FANCC: variants seen among roughly 807,000 people sequenced by gnomAD.
The protein encoded by FANCC is FA complementation group C.
Under a neutral mutation model 71.3 loss-of-function variants are expected in FANCC, and 55 were observed. The observed-to-expected ratio is 0.77, with a 90% CI of 0.62 to 0.97. The LOEUF (loss-of-function observed/expected upper bound fraction) is 0.97. Ranked by LOEUF, FANCC falls within the 50% of genes least tolerant of loss-of-function variation. The pLI is 0.00. For synonymous variants in FANCC, 275 were observed against 244.9 expected (o/e 1.12, Z -1.15); for missense variants, 678 against 670.9 (o/e 1.01, Z -0.12).
At chr9:95,259,180 G>T (rs1377842548) in intron 1 of FANCC, among the ~76,000 whole-genome samples, 1 of 152,054 alleles carries the variant, frequency 6.6e-6, no homozygotes, top group African/African-American at 2.4e-5. Context: ...CACAGAATTA[G>T]AAAAAACTAC....
intron 7 of FANCC, among the ~76,000 whole-genome samples, chr9:95,148,325 G>C (rs887680998): frequency 2.6e-5 from 4 of 152,352 alleles, no homozygotes; most frequent in African/African-American, 9.6e-5. Context: ...AACTCTTTCA[G>C]CAGTGGGCTC....
At chr9:95,264,893 T>C (rs1832295171) in intron 1 of FANCC, among the ~76,000 whole-genome samples, 2 of 152,128 alleles carry the variant, frequency 1.3e-5, no homozygotes, top group South Asian at 4.1e-4. Flanking sequence ...GATGAAAGCC[T>C]GATAACTATT....
Position 95,210,118 on chromosome 9 carries a change from T to C in FANCC, c.345+30531A>G, listed in dbSNP as rs4647458. Among the ~76,000 whole-genome samples, 850 of 152,276 alleles carry C rather than the reference T, an allele frequency of 5.6e-3. 9 individuals carry two copies. Among genetic ancestry groups the C allele is most frequent in the African/African-American group, 0.019 (809 of 41,552 alleles). ...AAGAATACATGTCATTATATCTATA[T>C]AAAATTTTAGAAACAGGAAAAATTA... On this transcript the variant is annotated intron_variant, in intron 4 of 14. Transcript: ENST00000289081.
At chr9:95,310,076 T>C (rs1030089319) in intron 1 of FANCC, among the ~76,000 whole-genome samples, 1 of 151,892 alleles carries the variant, frequency 6.6e-6, no homozygotes, top group African/African-American at 2.4e-5. Context: ...AAAACAATAA[T>C]GGGAGGCCAG....
Position 95,265,326 on chromosome 9 carries a change from ACT to A in FANCC, c.-78-15959_-78-15958del, listed in dbSNP as rs1469258006. On this transcript the variant is annotated intron_variant, in intron 1 of 14. Coordinates refer to ENST00000289081, the MANE Select transcript of FANCC (RefSeq NM_000136.3). ...TTAAGGAAACTGAATCTAGCAGATA[ACT>A]CTGGGGATTTACTAGGCTCAATTCT... Among the ~76,000 whole-genome samples the A allele has an allele frequency of 4.6e-5, 7 of 152,144 alleles. No homozygotes were observed. The South Asian group carries it at 6.2e-4, about 14-fold the overall frequency.
chr9:95,224,110 A>G (rs1460795173), intron 4 of FANCC, among the ~76,000 whole-genome samples: 4 of 152,224 alleles, frequency 2.6e-5, no homozygotes, highest in African/African-American at 9.6e-5. Context: ...CACAGATTAC[A>G]TATAATATGG....
intron 4 of FANCC, among the ~76,000 whole-genome samples, chr9:95,232,025 G>C (rs562769367): frequency 6.6e-6 from 1 of 152,336 alleles, no homozygotes; most frequent in Non-Finnish European, 1.5e-5. Context: ...ACTGGCTTGT[G>C]GTTCTGCAAG....
intron 10 of FANCC, among the ~76,000 whole-genome samples, chr9:95,122,951 G>A (rs1825299256): frequency 6.6e-6 from 1 of 152,196 alleles, no homozygotes; most frequent in South Asian, 2.1e-4. Context: ...AGCGCAGCTT[G>A]CTACAGCCCA....
Position 95,126,563 on chromosome 9 carries a change from G to C in FANCC, c.862C>G (p.Pro288Ala). 6.2e-7 allele frequency: 1 copy of C among 1,614,002 alleles called. No individual in the cohort carries two copies. The highest frequency in any genetic ancestry group is 8.5e-7 in the Non-Finnish European group (1 of 1,179,944). Residue 288 changes from proline to alanine, a missense_variant, in exon 9 of 15, where the codon CCT (proline) becomes GCT (alanine). Pro to Ala is a conservative substitution (Grantham distance 27, BLOSUM62 -1). Transcript: ENST00000289081. Reference protein sequence around the residue: ...DSSLPQAACHPAIFRVVDEMF... With the variant: ...DSSLPQAACHAAIFRVVDEMF... ...TCATCAACAACCCGGAATATGGCAG[G>C]GTGGCAGGCTGCTTGAGGCTGTAAA...
chr9:95,297,168 A>G (rs1226863443), intron 1 of FANCC, among the ~76,000 whole-genome samples: 1 of 152,166 alleles, frequency 6.6e-6, no homozygotes, highest in Non-Finnish European at 1.5e-5. Flanking sequence ...GGCAAGAGGG[A>G]CTTTCAGCAA....
At chr9:95,250,213 G>A (rs909846806) in intron 1 of FANCC, among the ~76,000 whole-genome samples, 1 of 152,184 alleles carries the variant, frequency 6.6e-6, no homozygotes, top group African/African-American at 2.4e-5. Flanking sequence ...GAATCGCAGA[G>A]GAGGGAAGGC....
intron 1 of FANCC, chr9:95,293,091 T>G (rs1237156090): frequency 6.2e-7 from 1 of 1,612,188 alleles, no homozygotes; most frequent in Non-Finnish European, 8.5e-7. Context: ...AACCAATCCC[T>G]AGACCAGACA....
At chr9:95,306,449 G>A (rs1181749737) in intron 1 of FANCC, among the ~76,000 whole-genome samples, 1 of 152,140 alleles carries the variant, frequency 6.6e-6, no homozygotes. Flanking sequence ...CCGAAAGCCT[G>A]CGAAAGACTT....
intron 14 of FANCC, among the ~76,000 whole-genome samples, chr9:95,105,213 A>G (rs1375797725): frequency 6.6e-6 from 1 of 152,192 alleles, no homozygotes; most frequent in Non-Finnish European, 1.5e-5. Context: ...TCCTACCAGG[A>G]TGGAGACAAT....
chr9:95,304,400 T>C (rs536568885), intron 1 of FANCC, among the ~76,000 whole-genome samples: 5 of 152,134 alleles, frequency 3.3e-5, no homozygotes, highest in African/African-American at 1.2e-4. Context: ...ATAACATTTT[T>C]AAAAACACCA....
chr9:95,149,565 G>A (rs947184021), intron 7 of FANCC, among the ~76,000 whole-genome samples: 6 of 151,022 alleles, frequency 4.0e-5, no homozygotes, highest in East Asian at 1.9e-4. Flanking sequence ...TGCAATCTCC[G>A]CCTCCCAGGT....
intron 7 of FANCC, among the ~76,000 whole-genome samples, chr9:95,142,191 C>T (rs113576871): frequency 1.3e-5 from 2 of 151,900 alleles, no homozygotes; most frequent in Non-Finnish European, 2.9e-5. Flanking sequence ...TGGGATTTTA[C>T]CACGTTGGCC....
At chr9:95,307,149 T>A (rs1173179822) in intron 1 of FANCC, among the ~76,000 whole-genome samples, 2 of 152,170 alleles carry the variant, frequency 1.3e-5, no homozygotes, top group African/African-American at 4.8e-5. Context: ...CCTCCCAAAG[T>A]GCTGGGATTA....
chr9:95,123,927 A>C, intron 10 of FANCC: 1 of 387,652 alleles, frequency 2.6e-6, no homozygotes, highest in Non-Finnish European at 5.0e-6. Flanking sequence ...TAAAATGGAA[A>C]TTGTACTTAA....
Sources: allele counts gnomAD v4.1 joint callset (sites outside exome capture counted in the v4.1 genomes callset), GRCh38; gene constraint gnomAD v4.1.1; transcripts MANE v1.5; gene names NCBI Gene and HGNC (gene_info 2026-07-23, HGNC 2026-07-21).